Variants in KLC3 observed in about 807,000 individuals in gnomAD.
KLC3 encodes the protein kinesin light chain 3, also known as kinesin light chain 2.
In KLC3, 72 loss-of-function variants were observed where a neutral mutation model predicts 62.9. The ratio of observed to expected loss-of-function variants is 1.15; its 90% confidence interval spans 0.95 to 1.39. KLC3 has a LOEUF of 1.39. KLC3 is among the 40% of genes most tolerant of loss of function. The pLI is 0.00. For synonymous variants in KLC3, 377 were observed against 300.5 expected (o/e 1.25, Z -2.63); for missense variants, 848 against 691.6 (o/e 1.23, Z -2.54).
intron 8 of KLC3, 103 bp downstream of exon 8, chr19:45,349,705 G>GGGGGC (rs1555774286): frequency 6.3e-6 from 5 of 789,554 alleles, no homozygotes; most frequent in Admixed American, 3.2e-5. Context: ...GTGGGGGGGG[G>GGGGGC]CCCCCCAGGC....
intron 2 of KLC3, among the ~76,000 whole-genome samples, chr19:45,346,171 GA>G (rs1182611779): frequency 6.6e-6 from 1 of 152,024 alleles, no homozygotes; most frequent in Non-Finnish European, 1.5e-5. Context: ...AAAAACAACA[GA>G]AAAAAGTATG....
chr19:45,351,405 G>A lies in KLC3; in HGVS notation c.*48G>A, dbSNP rs771414914. Reference sequence around the variant, plus strand: ...GCAGCTTCTTGGGAACAGTGCAGGAGGGATGGGCTGGTGGGGTGAGAGGGG... The same window carrying A: ...GCAGCTTCTTGGGAACAGTGCAGGAAGGATGGGCTGGTGGGGTGAGAGGGG... On this transcript the variant is annotated 3_prime_UTR_variant, in exon 13 of 13. Transcript: ENST00000391946. 6.2e-7 allele frequency: 1 copy of A among 1,600,716 alleles called. No homozygotes were observed. Among genetic ancestry groups the A allele is most frequent in the East Asian group, 2.2e-5 (1 of 44,752 alleles).
Position 45,346,544 on chromosome 19 carries a change from G to T in KLC3, c.259G>T (p.Val87Leu). 7 of 1,527,936 alleles carry T rather than the reference G, an allele frequency of 4.6e-6. No individual in the cohort carries two copies. Among genetic ancestry groups the T allele is most frequent in the Non-Finnish European group, 6.2e-6 (7 of 1,133,990 alleles). 94.6% of individuals were successfully genotyped at this position (1,527,936 alleles called of 1,614,324 possible). The change falls in exon 3 of 13, where the codon GTG (valine) becomes TTG (leucine). Residue 87 changes from valine (V) to leucine (L), a missense_variant and splice_region_variant. Physicochemically the swap from Val to Leu is conservative, Grantham distance 32. Coordinates refer to ENST00000391946, the MANE Select transcript of KLC3 (RefSeq NM_177417.3). Reference sequence around the variant, plus strand: ...GACTTGGGACCCCCACCCCGGGCAGGTGCTGCTGGCCCTGTCGGCACATGT... The same window carrying T: ...GACTTGGGACCCCCACCCCGGGCAGTTGCTGCTGGCCCTGTCGGCACATGT... ...AIELGLGEAQ[V>L]LLALSAHVGA...
Position 45,345,523 on chromosome 19 carries a change from T to C in KLC3, c.-8-11T>C, listed in dbSNP as rs1226219779. 25 of 1,557,874 alleles carry C rather than the reference T, an allele frequency of 1.6e-5. No individual in the cohort carries two copies. Among genetic ancestry groups the C allele is most frequent in the Middle Eastern group, 1.7e-4 (1 of 6,014 alleles). Reference sequence around the variant, plus strand: ...CAATGATTCCCCAAACCCCTCACCATTGCTCCCCAGGAGCAGCAATGTCTG... The same window carrying C: ...CAATGATTCCCCAAACCCCTCACCACTGCTCCCCAGGAGCAGCAATGTCTG... On this transcript the variant is annotated splice_polypyrimidine_tract_variant and intron_variant, in intron 1 of 12. Transcript: ENST00000391946.
intron 5 of KLC3, among the ~76,000 whole-genome samples, 153 bp from the exon 6 acceptor site, chr19:45,348,493 T>C (rs941789409): frequency 6.6e-6 from 1 of 151,976 alleles, no homozygotes; most frequent in Non-Finnish European, 1.5e-5. Flanking sequence ...AATTGCGAAA[T>C]ATGGAGGGGC....
intron 12 of KLC3, 108 bp from the exon 13 acceptor site, chr19:45,351,178 A>G (rs1034201519): frequency 3.2e-6 from 5 of 1,585,446 alleles, no homozygotes; most frequent in East Asian, 2.2e-5. Flanking sequence ...CTTGGGGTAG[A>G]GGCGAGGGGG....
chr19:45,347,911 G>A (rs774701426), intron 4 of KLC3, 30 bp from the exon 5 acceptor site: 37 of 1,551,474 alleles, frequency 2.4e-5, no homozygotes, highest in Admixed American at 5.5e-5. Context: ...GAGGCTTGCA[G>A]TGACCCAGAG....
At chr19:45,347,212 C>T in intron 3 of KLC3, 1 of 510,552 alleles carries the variant, frequency 2.0e-6, no homozygotes, top group Non-Finnish European at 3.5e-6. Context: ...TGTGGTGGCA[C>T]ATGCCTGTAA....
rs866085596 is a variant in KLC3, at chr19:45,349,689, G to T, written c.1143+87G>T. 8.4e-6 allele frequency: 10 copies of T among 1,186,246 alleles called. 1 individual carries two copies. In the Middle Eastern group the frequency reaches 2.0e-3, roughly 236 times the overall value. The allele number at this position is 1,186,246 out of a possible 1,614,324, so 73.5% of individuals were successfully genotyped here. A position where few individuals can be genotyped will look rare whatever the true frequency, so the allele number is the denominator to read the frequency against. Reference sequence around the variant, plus strand: ...ATTGGTTGGATACAGGGTGAGCAACGTGAGGGTGGGGGGGGGCCCCCCAGG... The same window carrying T: ...ATTGGTTGGATACAGGGTGAGCAACTTGAGGGTGGGGGGGGGCCCCCCAGG... On this transcript the variant is annotated intron_variant, in intron 8 of 12. Transcript: ENST00000391946.
chr19:45,347,627 G>A (rs1045269962), intron 4 of KLC3, 111 bp downstream of exon 4: 21 of 987,606 alleles, frequency 2.1e-5, no homozygotes, highest in Non-Finnish European at 3.0e-5. Flanking sequence ...GTGAGGGCAG[G>A]GTGAGGAGGA....
At chr19:45,348,331 G>GAGGGAGTGGGAC (rs1971559784) in intron 5 of KLC3, among the ~76,000 whole-genome samples, 171 bp downstream of exon 5, 2 of 152,312 alleles carry the variant, frequency 1.3e-5, no homozygotes, top group African/African-American at 4.8e-5. Flanking sequence ...GAACGGCAAA[G>GAGGGAGTGGGAC]AGGGAGTGGG....
rs200355865 is a variant in KLC3 at position 45,351,462 on chromosome 19, G to A, written c.*105G>A. The stretch of plus-strand genomic sequence containing the variant: ...CATCTCCTGGCCCCCCCTTGCCTCT[G>A]GGTACCTGGTGGATAGCTGCCTTCT... On this transcript the variant is annotated 3_prime_UTR_variant, in exon 13 of 13. Transcript: ENST00000391946. 4.5e-5 allele frequency: 71 copies of A among 1,583,228 alleles called. No homozygotes were observed. The East Asian group carries it at 1.3e-3, about 29-fold the overall frequency.
At position 45,350,941 on chromosome 19, in the gene KLC3, G is replaced by A; in HGVS notation, c.1380-13G>A. 3 of 1,613,612 alleles carry A rather than the reference G, an allele frequency of 1.9e-6. No homozygotes were observed. Among genetic ancestry groups the A allele is most frequent in the Non-Finnish European group, 1.7e-6 (2 of 1,179,652 alleles). On this transcript the variant is annotated splice_polypyrimidine_tract_variant and intron_variant, in intron 11 of 12. Coordinates refer to ENST00000391946, the MANE Select transcript of KLC3 (RefSeq NM_177417.3). The stretch of plus-strand genomic sequence containing the variant: ...TGGATTCACTCATTTCCTCCCTGCT[G>A]CCCTCTTTGCAGAATGAAGAGAGCC...
Position 45,345,571 on chromosome 19 carries a change from T to C in KLC3, c.30T>C (p.Ser10=), listed in dbSNP as rs2123180105. 6.4e-7 allele frequency: 1 copy of C among 1,566,398 alleles called. No homozygotes were observed. Among genetic ancestry groups the C allele is most frequent in the South Asian group, 1.2e-5 (1 of 84,990 alleles). Reference sequence around the variant, plus strand: ...CTGTGCAGGTAGCGGCTCCTGGAAGTGCAGGGCTGGGCCCAGAGCGCCTGA... The same window carrying C: ...CTGTGCAGGTAGCGGCTCCTGGAAGCGCAGGGCTGGGCCCAGAGCGCCTGA... The part of the protein sequence containing the change: MSVQVAAPG[S]AGLGPERLSP... Residue 10 remains serine (S), a synonymous_variant, in exon 2 of 13, where the codon AGT becomes AGC. Coordinates refer to ENST00000391946, the MANE Select transcript of KLC3 (RefSeq NM_177417.3).
chr19:45,341,588 CGT>C lies in KLC3; in HGVS notation c.-9+746_-9+747del, dbSNP rs973477684. On this transcript the variant is annotated intron_variant, in intron 1 of 12. Transcript: ENST00000391946. ...GTGTGTGTGTGTGTGTGCGCGCGCG[CGT>C]GTGGTGGACAGTGTGGCACTGGATC... Among the ~76,000 whole-genome samples, 100 of 132,434 alleles carry C rather than the reference CGT, an allele frequency of 7.6e-4. 1 individual carries two copies. Among genetic ancestry groups the C allele is most frequent in the Admixed American group, 1.9e-3 (27 of 13,854 alleles). 86.9% of individuals were successfully genotyped at this position (132,434 alleles called of 152,430 possible).
rs577110719 is a variant in KLC3, at chr19:45,349,305, A to G, written c.970-124A>G. The G allele has an allele frequency of 1.5e-4, 149 of 997,678 alleles. No individual in the cohort carries two copies. The African/African-American group carries it at 2.2e-3, about 15-fold the overall frequency. The allele number at this position is 997,678 out of a possible 1,614,324, so 61.8% of individuals were successfully genotyped here. On this transcript the variant is annotated intron_variant, in intron 7 of 12. Transcript: ENST00000391946. ...GGTATAACTTGTGTCCCCAGCCCCC[A>G]ACCTCTCAGGTCACTCTCTGCTTTG...
At chr19:45,345,478 G>T in intron 1 of KLC3, 56 bp from the exon 2 acceptor site, 1 of 1,549,762 alleles carries the variant, frequency 6.5e-7, no homozygotes, top group Non-Finnish European at 8.7e-7. Flanking sequence ...AGAGGCTGGG[G>T]GCCAACTGAC....
In KLC3 at chr19:45,350,324, C is replaced by A; in HGVS notation, c.1144-17C>A. ...AACTGGGGTCCGAAAAGTTCCCAGACACTCCCTTCTCCGCAGGCCTCAGCC... is the reference window on the plus strand; with the variant it reads ...AACTGGGGTCCGAAAAGTTCCCAGAAACTCCCTTCTCCGCAGGCCTCAGCC... On this transcript the variant is annotated splice_polypyrimidine_tract_variant and intron_variant, in intron 8 of 12. Coordinates refer to ENST00000391946, the MANE Select transcript of KLC3 (RefSeq NM_177417.3). 1 of 1,608,564 alleles carries A rather than the reference C, an allele frequency of 6.2e-7. No homozygotes were observed. The highest frequency in any genetic ancestry group is 8.5e-7 in the Non-Finnish European group (1 of 1,177,046).
chr19:45,343,571 C>G (rs556965779), intron 1 of KLC3, among the ~76,000 whole-genome samples: 1 of 152,058 alleles, frequency 6.6e-6, no homozygotes, highest in Non-Finnish European at 1.5e-5. Flanking sequence ...CTGACCTCAA[C>G]TGATCCACCC....
Sources: allele counts gnomAD v4.1 joint callset (sites outside exome capture counted in the v4.1 genomes callset), GRCh38; gene constraint gnomAD v4.1.1; transcripts MANE v1.5; gene names NCBI Gene and HGNC (gene_info 2026-07-23, HGNC 2026-07-21).